The following CHODL variants were observed in gnomAD, a reference collection of about 807,000 sequenced individuals.
CHODL encodes chondrolectin.
CHODL carries 29 observed loss-of-function variants against 34.5 expected under a neutral mutation model. That is an observed-to-expected ratio of 0.84 (90% CI 0.63 to 1.15). CHODL has a LOEUF of 1.15. CHODL is among the 50% of genes most tolerant of loss of function. The probability of loss-of-function intolerance (pLI) is 0.00; values close to 1 mark genes in which losing one functional copy is unlikely to be tolerated. For synonymous variants in CHODL, 125 were observed against 116.1 expected, an observed-to-expected ratio of 1.08 and a Z score of -0.49; for missense variants, 332 against 332.5, an observed-to-expected ratio of 1.00 and a Z score of 0.01.
Position 17,950,075 on chromosome 21 carries a change from T to C in CHODL, c.-145+32675T>C, listed in dbSNP as rs548461040. ...CTAATCAAAATTCAAAATTCTCAAG[T>C]GCTTCACTTCATTCTGTCTTTGCCA... is the stretch of plus-strand genomic sequence containing the variant. On this transcript the variant is annotated intron_variant, in intron 1 of 6. Coordinates refer to the CHODL transcript ENST00000400127. 4.6e-5 allele frequency among the ~76,000 whole-genome samples: 7 copies of C among 152,288 alleles called. No individual in the cohort carries two copies. In the South Asian group the frequency reaches 1.4e-3, roughly 32 times the overall value.
At chr21:17,939,169 G>A (rs950677263) in intron 1 of CHODL, among the ~76,000 whole-genome samples, 1 of 152,154 alleles carries the variant, frequency 6.6e-6, no homozygotes, top group Non-Finnish European at 1.5e-5. Context: ...ATGTTGTACA[G>A]CAGATCTTTA....
chr21:18,011,685 G>A (rs959715210), intron 1 of CHODL, among the ~76,000 whole-genome samples: 1 of 152,154 alleles, frequency 6.6e-6, no homozygotes, highest in Non-Finnish European at 1.5e-5. Context: ...GTTTTGCTAT[G>A]AATAAATCAT....
At chr21:18,086,979 G>A (rs1664704) in intron 2 of CHODL, among the ~76,000 whole-genome samples, 60,566 of 151,688 alleles carry the variant, frequency 0.4, 13,326 homozygotes, top group Non-Finnish European at 0.51. Flanking sequence ...AGTCCATGTG[G>A]GTGTTCCTGG....
chr21:18,222,315 G>GA (rs2073892151), intron 2 of CHODL, among the ~76,000 whole-genome samples: 1 of 152,150 alleles, frequency 6.6e-6, no homozygotes, highest in Admixed American at 6.5e-5. Flanking sequence ...AATGTGGGGG[G>GA]ATCTTTGTGG....
In CHODL at chr21:18,267,163, G is replaced by C. The variant is rs575054972; in HGVS notation, c.*1125G>C. 1 of 152,208 alleles carries C rather than the reference G, an allele frequency of 6.6e-6. No homozygotes were observed. The highest frequency in any genetic ancestry group is 2.1e-4 in the South Asian group (1 of 4,834). The allele number at this position is 152,208 out of a possible 1,614,324, so 9.4% of individuals were successfully genotyped here. On this transcript the variant is annotated 3_prime_UTR_variant, in exon 6 of 6. Transcript: ENST00000299295. ...TAGGAAGGAAAGGAACTACGAAATC[G>C]TGTGAAAATGGGTTGGAACCCATCA...
At chr21:18,233,724 G>A (rs2074003615) in intron 2 of CHODL, among the ~76,000 whole-genome samples, 1 of 151,956 alleles carries the variant, frequency 6.6e-6, no homozygotes, top group Non-Finnish European at 1.5e-5. Context: ...TAATGGTTAG[G>A]CTGCTTCTGG....
intron 1 of CHODL, among the ~76,000 whole-genome samples, chr21:18,017,436 C>G (rs1349169028): frequency 6.6e-6 from 1 of 152,316 alleles, no homozygotes; most frequent in African/African-American, 2.4e-5. Flanking sequence ...TTCCCCTTTG[C>G]CTTCCAGCCA....
At chr21:18,111,061 T>C (rs2065345092) in intron 2 of CHODL, among the ~76,000 whole-genome samples, 1 of 152,188 alleles carries the variant, frequency 6.6e-6, no homozygotes, top group Admixed American at 6.5e-5. Flanking sequence ...GAGTGTAATA[T>C]TCTAGAATTA....
chr21:18,194,008 A>G (rs918141895), intron 2 of CHODL, among the ~76,000 whole-genome samples: 1 of 151,920 alleles, frequency 6.6e-6, no homozygotes, highest in Non-Finnish European at 1.5e-5. Flanking sequence ...GTCCAATCCA[A>G]TCTACCTTTG....
intron 2 of CHODL, among the ~76,000 whole-genome samples, chr21:18,104,088 C>T (rs2065246583): frequency 1.3e-5 from 2 of 152,120 alleles, no homozygotes; most frequent in Non-Finnish European, 2.9e-5. Flanking sequence ...ATCATATTTC[C>T]CAATGTCACT....
chr21:17,968,231 T>G (rs369361452), intron 1 of CHODL, among the ~76,000 whole-genome samples: 13 of 152,304 alleles, frequency 8.5e-5, no homozygotes, highest in African/African-American at 3.1e-4. Flanking sequence ...CTCCATAGTT[T>G]TGTCCTGTCA....
At chr21:18,034,874 G>T (rs74676684) in intron 2 of CHODL, among the ~76,000 whole-genome samples, 3 of 151,960 alleles carry the variant, frequency 2.0e-5, no homozygotes, top group Non-Finnish European at 4.4e-5. Flanking sequence ...AGGAGAGAAA[G>T]CCTCAGGCTC....
At chr21:18,167,108 G>A (rs1055914625) in intron 2 of CHODL, among the ~76,000 whole-genome samples, 1 of 151,772 alleles carries the variant, frequency 6.6e-6, no homozygotes, top group East Asian at 1.9e-4. Flanking sequence ...TATTTAATCA[G>A]ATTTTTAAAT....
intron 2 of CHODL, among the ~76,000 whole-genome samples, chr21:18,036,665 TGAA>T (rs778747381): frequency 4.8e-4 from 73 of 152,170 alleles, no homozygotes; most frequent in Non-Finnish European, 6.2e-4. Flanking sequence ...TATATTATCA[TGAA>T]GAAAAATTTA....
chr21:18,131,383 C>T (rs1257710803), intron 2 of CHODL, among the ~76,000 whole-genome samples: 1 of 152,088 alleles, frequency 6.6e-6, no homozygotes, highest in Non-Finnish European at 1.5e-5. Context: ...AGCAATATCA[C>T]AAATTATTTG....
intron 2 of CHODL, among the ~76,000 whole-genome samples, chr21:18,210,073 G>T (rs1483300020): frequency 6.6e-6 from 1 of 152,302 alleles, no homozygotes; most frequent in East Asian, 1.9e-4. Context: ...AGGAATTACA[G>T]TCCTTGTGAA....
intron 2 of CHODL, among the ~76,000 whole-genome samples, chr21:18,144,345 TACA>T (rs2072839446): frequency 6.6e-6 from 1 of 152,128 alleles, no homozygotes. Context: ...TGTGTTAGGG[TACA>T]ACAATAAGGG....
intron 2 of CHODL, among the ~76,000 whole-genome samples, chr21:18,042,645 C>T (rs1246915332): frequency 6.6e-6 from 1 of 151,904 alleles, no homozygotes; most frequent in Non-Finnish European, 1.5e-5. Flanking sequence ...AATAAGTTAA[C>T]CATTTTGTTC....
chr21:17,972,589 T>A (rs1011456297), intron 1 of CHODL, among the ~76,000 whole-genome samples: 1 of 152,140 alleles, frequency 6.6e-6, no homozygotes, highest in African/African-American at 2.4e-5. Context: ...TTACAAGGGA[T>A]GTGAAGGACC....
Sources: allele counts gnomAD v4.1 joint callset (sites outside exome capture counted in the v4.1 genomes callset), GRCh38; gene constraint gnomAD v4.1.1; transcripts MANE v1.5; gene names NCBI Gene and HGNC (gene_info 2026-07-23, HGNC 2026-07-21).